The following PALM2AKAP2 variants were observed in gnomAD, a reference collection of about 807,000 sequenced individuals.
PALM2AKAP2 encodes the protein PALM2-AKAP2 fusion protein.
In PALM2AKAP2, 37 loss-of-function variants were observed where a neutral mutation model predicts 71.5. The observed-to-expected ratio is 0.52, with a 90% CI of 0.40 to 0.68. PALM2AKAP2 has a LOEUF of 0.68. Ranked by LOEUF, PALM2AKAP2 falls within the 30% of genes least tolerant of loss-of-function variation. The probability of loss-of-function intolerance (pLI) is 0.00; values close to 1 mark genes in which losing one functional copy is unlikely to be tolerated. For synonymous variants in PALM2AKAP2, 468 were observed against 478.8 expected (o/e 0.98, Z 0.29); for missense variants, 1,224 against 1,191.8 (o/e 1.03, Z -0.40).
At chr9:110,098,554 A>G (rs1297143331) in intron 1 of PALM2AKAP2, among the ~76,000 whole-genome samples, 1 of 152,236 alleles carries the variant, frequency 6.6e-6, no homozygotes, top group Non-Finnish European at 1.5e-5. Context: ...TATGTGCTGG[A>G]CACAGCTCTT....
At chr9:109,931,332 A>G (rs1449998574) in intron 5 of PALM2AKAP2, among the ~76,000 whole-genome samples, 1 of 152,174 alleles carries the variant, frequency 6.6e-6, no homozygotes, top group African/African-American at 2.4e-5. Flanking sequence ...TGTCATTTAG[A>G]ATCTCAGGAC....
chr9:110,131,258 T>C (rs1444443230), intron 1 of PALM2AKAP2, among the ~76,000 whole-genome samples: 1 of 152,220 alleles, frequency 6.6e-6, no homozygotes, highest in African/African-American at 2.4e-5. Flanking sequence ...ATTAGGGCTC[T>C]ACCTGGAGGG....
At chr9:110,030,380 G>A (rs1236773712) in intron 7 of PALM2AKAP2, among the ~76,000 whole-genome samples, 1 of 152,178 alleles carries the variant, frequency 6.6e-6, no homozygotes, top group East Asian at 1.9e-4. Context: ...ACTCAAGGAA[G>A]AGACCAGAAG....
At chr9:110,010,909 T>C (rs978788447) in intron 6 of PALM2AKAP2, among the ~76,000 whole-genome samples, 12 of 145,970 alleles carry the variant, frequency 8.2e-5, no homozygotes, top group African/African-American at 3.0e-4. Flanking sequence ...GGCAGGAGAA[T>C]TGCTTGAACC....
In PALM2AKAP2 at chr9:109,895,320, G is replaced by C. The variant is rs574985582; in HGVS notation, c.257+14639G>C. Among the ~76,000 whole-genome samples, 4 of 152,348 alleles carry C rather than the reference G, an allele frequency of 2.6e-5. No individual in the cohort carries two copies. In the East Asian group the frequency reaches 7.7e-4, roughly 29 times the overall value. ...TCTTGGGGCTGCTCTGTTAAGCAAAGGATGGGAACCAAAGGTACTGACATT... is the reference window on the plus strand; with the variant it reads ...TCTTGGGGCTGCTCTGTTAAGCAAACGATGGGAACCAAAGGTACTGACATT... On this transcript the variant is annotated intron_variant, in intron 3 of 9. Coordinates refer to the PALM2AKAP2 transcript ENST00000302798.
intron 1 of PALM2AKAP2, among the ~76,000 whole-genome samples, chr9:109,785,593 A>C (rs925321616): frequency 6.6e-6 from 1 of 152,244 alleles, no homozygotes; most frequent in African/African-American, 2.4e-5. Flanking sequence ...GGTGAAAGGC[A>C]CATCTCACAT....
intron 6 of PALM2AKAP2, among the ~76,000 whole-genome samples, chr9:109,952,287 A>G (rs569970670): frequency 2.8e-4 from 42 of 152,332 alleles, no homozygotes; most frequent in African/African-American, 1.0e-3. Context: ...GTCCATAGTA[A>G]GTGCTCCAAA....
At chr9:110,037,889 T>C (rs1833441735) in intron 7 of PALM2AKAP2, among the ~76,000 whole-genome samples, 1 of 152,150 alleles carries the variant, frequency 6.6e-6, no homozygotes, top group African/African-American at 2.4e-5. Flanking sequence ...TAAGCTGACA[T>C]ATAAATTTGG....
chr9:110,047,984 A>G (rs1470959135), upstream of PALM2AKAP2, among the ~76,000 whole-genome samples: 2 of 152,180 alleles, frequency 1.3e-5, no homozygotes, highest in Non-Finnish European at 2.9e-5. Context: ...TGGCTTTGTT[A>G]GCACACGCGC....
chr9:110,156,233 G>C (rs1159229389), intron 2 of PALM2AKAP2, 86 bp from the exon 9 acceptor site: 4 of 1,452,048 alleles, frequency 2.8e-6, no homozygotes, highest in Non-Finnish European at 1.8e-6. Context: ...GTCAGAGGTT[G>C]TTGCTCTTTT....
At chr9:110,045,355 T>TC (rs1193645316), upstream of PALM2AKAP2, among the ~76,000 whole-genome samples, 2 of 152,218 alleles carry the variant, frequency 1.3e-5, no homozygotes, top group Non-Finnish European at 2.9e-5. Context: ...TATAAAATAT[T>TC]CTCAGCTCTA....
chr9:110,105,665 A>G (rs1194512023), intron 1 of PALM2AKAP2, among the ~76,000 whole-genome samples: 1 of 152,214 alleles, frequency 6.6e-6, no homozygotes, highest in Non-Finnish European at 1.5e-5. Flanking sequence ...CACAGAGCTA[A>G]TGAGATGCCT....
chr9:109,992,924 T>A (rs770584239), intron 6 of PALM2AKAP2, among the ~76,000 whole-genome samples: 8 of 144,790 alleles, frequency 5.5e-5, no homozygotes, highest in Non-Finnish European at 3.0e-5. Flanking sequence ...TCTTTTCTTT[T>A]AAATTCATAT....
chr9:110,148,974 T>C (rs1836244903), intron 2 of PALM2AKAP2, among the ~76,000 whole-genome samples: 2 of 152,188 alleles, frequency 1.3e-5, no homozygotes, highest in African/African-American at 4.8e-5. Context: ...TCTGAGTGCA[T>C]GCAGCCTTTT....
intron 1 of PALM2AKAP2, among the ~76,000 whole-genome samples, chr9:109,698,299 C>T (rs920299698): frequency 8.2e-6 from 1 of 121,620 alleles, no homozygotes; most frequent in Non-Finnish European, 1.6e-5. Flanking sequence ...TTTTTTGAGA[C>T]GGAGTTTCGC....
At chr9:110,068,214 G>A (rs1207551687) in intron 1 of PALM2AKAP2, among the ~76,000 whole-genome samples, 1 of 149,244 alleles carries the variant, frequency 6.7e-6, no homozygotes, top group African/African-American at 2.6e-5. Context: ...TTTCATGATG[G>A]ATTAAGGAGG....
chr9:110,007,145 T>G (rs1490763173), intron 6 of PALM2AKAP2, among the ~76,000 whole-genome samples: 5 of 152,320 alleles, frequency 3.3e-5, no homozygotes, highest in South Asian at 2.1e-4. Flanking sequence ...ATGGAACTTC[T>G]GTGTCCATCT....
chr9:109,776,318 G>A (rs1257248947), upstream of PALM2AKAP2, among the ~76,000 whole-genome samples: 1 of 152,208 alleles, frequency 6.6e-6, no homozygotes, highest in Non-Finnish European at 1.5e-5. Context: ...CAACCATCAG[G>A]CAGTCATTTC....
At chr9:109,760,037 T>C (rs1359076216) in intron 1 of PALM2AKAP2, among the ~76,000 whole-genome samples, 1 of 152,162 alleles carries the variant, frequency 6.6e-6, no homozygotes, top group Admixed American at 6.6e-5. Context: ...GTTCTCTTGG[T>C]ACTTCTGTTG....
Sources: allele counts gnomAD v4.1 joint callset (sites outside exome capture counted in the v4.1 genomes callset), GRCh38; gene constraint gnomAD v4.1.1; transcripts MANE v1.5; gene names NCBI Gene and HGNC (gene_info 2026-07-23, HGNC 2026-07-21).